MPHOSPH9: variants seen among roughly 807,000 people sequenced by gnomAD.
The protein encoded by MPHOSPH9 is M-phase phosphoprotein 9.
In MPHOSPH9, 88 loss-of-function variants were observed where a neutral mutation model predicts 145.5. That is an observed-to-expected ratio of 0.60 (90% CI 0.51 to 0.72). The LOEUF (loss-of-function observed/expected upper bound fraction) is 0.72, where lower values mean the gene tolerates loss of function less well. Among genes scored for constraint, MPHOSPH9 ranks in the 30% least tolerant of loss-of-function variants. The probability of loss-of-function intolerance (pLI) is 0.00; values close to 1 mark genes in which losing one functional copy is unlikely to be tolerated. For synonymous variants in MPHOSPH9, 435 were observed against 486.2 expected (o/e 0.89, Z 1.39); for missense variants, 1,238 against 1,386.6 (o/e 0.89, Z 1.70).
At position 123,159,159 on chromosome 12, in the gene MPHOSPH9, AT is replaced by A. The variant is rs368379789; in HGVS notation, c.3450+1621del. ...TTAAAAAATGATCACATTGGCAGGT[AT>A]TTTTTTTTATTATTCTTTTTCAGAG... On this transcript the variant is annotated intron_variant, in intron 23 of 23. Coordinates refer to ENST00000606320, the MANE Select transcript of MPHOSPH9 (RefSeq NM_022782.4). This position sits in a 1 kb window ranked among gnomAD's most constrained non-coding sequence, Gnocchi z 4.3. Among the ~76,000 whole-genome samples the A allele has an allele frequency of 6.6e-6, 1 of 151,378 alleles. No individual in the cohort carries two copies. The highest frequency in any genetic ancestry group is 2.4e-5 in the African/African-American group (1 of 41,230).
intron 16 of MPHOSPH9, among the ~76,000 whole-genome samples, chr12:123,167,677 G>A (rs533602594): frequency 1.3e-5 from 2 of 152,242 alleles, no homozygotes; most frequent in East Asian, 3.9e-4. Flanking sequence ...AAATTTCTTT[G>A]GAGAGTCAGT....
intron 16 of MPHOSPH9, among the ~76,000 whole-genome samples, chr12:123,173,600 T>TC (rs11410998): frequency 0.15 from 23,228 of 152,020 alleles, 5,378 homozygotes; most frequent in African/African-American, 0.5. Context: ...AACACAGTCG[T>TC]CCAAGCTTCA....
chr12:123,182,924 A>C (rs1048377158), intron 13 of MPHOSPH9, among the ~76,000 whole-genome samples: 1 of 150,376 alleles, frequency 6.6e-6, no homozygotes, highest in Non-Finnish European at 1.5e-5. Context: ...AAAAATAAAT[A>C]AATAAGAGGC....
intron 1 of MPHOSPH9, among the ~76,000 whole-genome samples, chr12:123,241,436 C>G (rs2047935748): frequency 6.6e-6 from 1 of 152,146 alleles, no homozygotes; most frequent in Admixed American, 6.5e-5. Flanking sequence ...CTCCCGGGTT[C>G]AAGCAATTCT....
rs1172433962 is a variant in MPHOSPH9, at chr12:123,159,154, C to A, written c.3450+1627G>T. On this transcript the variant is annotated intron_variant, in intron 23 of 23. Coordinates refer to ENST00000606320, the MANE Select transcript of MPHOSPH9 (RefSeq NM_022782.4). The surrounding 1 kb of genome is among the most constrained non-coding windows in gnomAD (Gnocchi z 4.3). ...ACCTTTTAAAAAATGATCACATTGG[C>A]AGGTATTTTTTTTTATTATTCTTTT... is the stretch of plus-strand genomic sequence containing the variant. Among the ~76,000 whole-genome samples the A allele has an allele frequency of 6.6e-6, 1 of 151,958 alleles. No homozygotes were observed. The highest frequency in any genetic ancestry group is 1.5e-5 in the Non-Finnish European group (1 of 67,996).
chr12:123,189,035 C>CA (rs1044565793), intron 13 of MPHOSPH9, among the ~76,000 whole-genome samples: 2 of 151,782 alleles, frequency 1.3e-5, no homozygotes, highest in Admixed American at 6.6e-5. Flanking sequence ...GACTCTGTCT[C>CA]AAAAAAATAG....
At chr12:123,160,990 C>G in intron 22 of MPHOSPH9, 141 bp from the exon 23 acceptor site, 3 of 1,331,446 alleles carry the variant, frequency 2.3e-6, no homozygotes, top group Non-Finnish European at 3.1e-6. Context: ...GTAACGACCA[C>G]ATGGCTCAAA....
At chr12:123,213,540 T>C (rs2046834954) in intron 7 of MPHOSPH9, among the ~76,000 whole-genome samples, 1 of 152,094 alleles carries the variant, frequency 6.6e-6, no homozygotes, top group African/African-American at 2.4e-5. Context: ...GGTCTCAACT[T>C]GTTGCTCAAG....
chr12:123,193,922 C>T lies in MPHOSPH9; in HGVS notation c.2241+464G>A, dbSNP rs117795630. Among the ~76,000 whole-genome samples the T allele has an allele frequency of 4.1e-3, 621 of 151,976 alleles. 8 individuals are homozygous for T. Among genetic ancestry groups the T allele is most frequent in the East Asian group, 0.037 (191 of 5,176 alleles). ...TGACTTCGTGCTGCAAAGCAAGACCCAATTGACTCCATCAGGAAGGTACAT... is the reference window on the plus strand; with the variant it reads ...TGACTTCGTGCTGCAAAGCAAGACCTAATTGACTCCATCAGGAAGGTACAT... On this transcript the variant is annotated intron_variant, in intron 13 of 23. Coordinates refer to ENST00000606320, the MANE Select transcript of MPHOSPH9 (RefSeq NM_022782.4).
chr12:123,243,151 G>A (rs1326107464), intron 1 of MPHOSPH9, among the ~76,000 whole-genome samples: 2 of 152,018 alleles, frequency 1.3e-5, no homozygotes, highest in African/African-American at 2.4e-5. Flanking sequence ...AGTTTTTAAA[G>A]CACCACTTTC....
At chr12:123,229,473 T>C (rs927099874) in intron 2 of MPHOSPH9, among the ~76,000 whole-genome samples, 1 of 152,244 alleles carries the variant, frequency 6.6e-6, no homozygotes, top group Non-Finnish European at 1.5e-5. Flanking sequence ...AAACACACTT[T>C]GATAACATCT....
Position 123,203,359 on chromosome 12 carries a change from T to C in MPHOSPH9, c.1211A>G (p.Glu404Gly). Reference sequence around the variant, plus strand: ...ATCCTTCAGTGACGGTAGCTTCATCTCATTACTAGTATTAGACTTAAAGAT... The same window carrying C: ...ATCCTTCAGTGACGGTAGCTTCATCCCATTACTAGTATTAGACTTAAAGAT... ...VSPNQSNTSN[E>G]MKLPSLKDIY... The change falls in exon 9 of 24, where the codon GAG becomes GGG. Residue 404 changes from glutamate to glycine, a missense_variant. Physicochemically the swap from Glu to Gly is moderately conservative, Grantham distance 98 (BLOSUM62 -2). Transcript: ENST00000606320. The C allele has an allele frequency of 1.9e-6, 3 of 1,605,154 alleles. No homozygotes were observed. Among genetic ancestry groups the C allele is most frequent in the Non-Finnish European group, 2.6e-6 (3 of 1,173,110 alleles).
At chr12:123,160,504 A>C in intron 23 of MPHOSPH9, 1 of 370,528 alleles carries the variant, frequency 2.7e-6, no homozygotes, top group Non-Finnish European at 4.9e-6. Flanking sequence ...GTTGAAAAGC[A>C]TATTGCCATT....
At chr12:123,185,282 A>C (rs1013119449) in intron 13 of MPHOSPH9, among the ~76,000 whole-genome samples, 20 of 152,166 alleles carry the variant, frequency 1.3e-4, no homozygotes, top group Admixed American at 3.9e-4. Flanking sequence ...AAACAGGAAT[A>C]GAAAGCTATT....
At chr12:123,158,274 C>T (rs2137838447) in intron 23 of MPHOSPH9, among the ~76,000 whole-genome samples, 1 of 152,212 alleles carries the variant, frequency 6.6e-6, no homozygotes, top group East Asian at 1.9e-4. Flanking sequence ...GGATTACAGG[C>T]GTGAACCACT....
In MPHOSPH9 at chr12:123,166,716, G is replaced by C; in HGVS notation, c.2530C>G (p.Gln844Glu). Residue 844 changes from glutamine (Q) to glutamate (E), a missense_variant, in exon 17 of 24, where the codon CAG becomes GAG. Transcript: ENST00000606320. ...TTACTGTCCTGGGTGTCCAGAGGCT[G>C]GCCAGTAAAGATGGAATACTCTGCA... ...PGAEYSIFTG[Q>E]PLDTQDSNVD... 2 of 1,614,080 alleles carry C rather than the reference G, an allele frequency of 1.2e-6. No homozygotes were observed. The highest frequency in any genetic ancestry group is 1.7e-6 in the Non-Finnish European group (2 of 1,180,020).
At chr12:123,173,861 C>T (rs1335495260) in intron 16 of MPHOSPH9, among the ~76,000 whole-genome samples, 1 of 152,150 alleles carries the variant, frequency 6.6e-6, no homozygotes, top group African/African-American at 2.4e-5. Flanking sequence ...TTCTATAAGC[C>T]ACTCTGGCAA....
At chr12:123,164,151 T>C in intron 18 of MPHOSPH9, 61 bp from the exon 19 acceptor site, 14 of 1,593,854 alleles carry the variant, frequency 8.8e-6, no homozygotes, top group South Asian at 1.1e-5. Flanking sequence ...ACGCTTCAGT[T>C]ATCCACCTTT....
At chr12:123,194,922 C>G (rs2045878425) in intron 12 of MPHOSPH9, among the ~76,000 whole-genome samples, 1 of 150,762 alleles carries the variant, frequency 6.6e-6, no homozygotes, top group South Asian at 2.1e-4. Flanking sequence ...ACGCCCAGCC[C>G]AAAATTTATT....
Sources: gnomAD v4.1 joint callset for allele counts (sites outside exome capture counted in the v4.1 genomes callset) on GRCh38, gnomAD v4.1.1 for gene constraint, Gnocchi (gnomAD v3.1) non-coding constraint, MANE v1.5 for transcripts, NCBI Gene and HGNC (gene_info 2026-07-23, HGNC 2026-07-21) for gene names.